The following ZMYM4 variants were observed in gnomAD, a reference collection of about 807,000 sequenced individuals.
ZMYM4 encodes the protein zinc finger MYM-type protein 4.
ZMYM4 carries 31 observed loss-of-function variants against 183.2 expected under a neutral mutation model. The ratio of observed to expected loss-of-function variants is 0.17; its 90% CI spans 0.13 to 0.23. The LOEUF (loss-of-function observed/expected upper bound fraction) is 0.23, where lower values mean the gene tolerates loss of function less well. Among genes scored for constraint, ZMYM4 ranks in the 10% least tolerant of loss-of-function variants. The probability of loss-of-function intolerance (pLI) is 1.00; values close to 1 mark genes in which losing one functional copy is unlikely to be tolerated. For missense variants in ZMYM4, 1,273 were observed against 1,840.3 expected (o/e 0.69, Z 5.64); for synonymous variants, 592 against 631.2 (o/e 0.94, Z 0.93).
At chr1:35,391,381 A>G (rs1429418556) in intron 15 of ZMYM4, among the ~76,000 whole-genome samples, 1 of 152,118 alleles carries the variant, frequency 6.6e-6, no homozygotes, top group Non-Finnish European at 1.5e-5. Context: ...CCTTGTCAGG[A>G]CTTACTTATC....
chr1:35,273,788 T>A (rs918147320), intron 1 of ZMYM4, among the ~76,000 whole-genome samples: 28 of 152,286 alleles, frequency 1.8e-4, no homozygotes, highest in Non-Finnish European at 2.5e-4. Context: ...TTACCACTGA[T>A]TACCTTCAGT....
intron 1 of ZMYM4, among the ~76,000 whole-genome samples, chr1:35,313,039 G>A (rs774998199): frequency 1.3e-5 from 2 of 152,068 alleles, no homozygotes; most frequent in African/African-American, 2.4e-5. Context: ...GACTAGAGGC[G>A]AGTGCCACCA....
intron 2 of ZMYM4, among the ~76,000 whole-genome samples, chr1:35,343,473 T>C (rs930962655): frequency 1.3e-5 from 2 of 152,178 alleles, no homozygotes; most frequent in Admixed American, 1.3e-4. Flanking sequence ...ATTTGACCAA[T>C]GTTTTTGAGT....
intron 2 of ZMYM4, among the ~76,000 whole-genome samples, chr1:35,352,386 G>GCGCACACACACACACA (rs1231646476): frequency 3.1e-5 from 4 of 128,470 alleles, no homozygotes; most frequent in East Asian, 2.3e-4. Context: ...AAAAATTAGC[G>GCGCACACACACACACA]CACACACACA....
At chr1:35,312,198 T>G (rs916205651) in intron 1 of ZMYM4, among the ~76,000 whole-genome samples, 4 of 152,166 alleles carry the variant, frequency 2.6e-5, no homozygotes, top group Non-Finnish European at 5.9e-5. Flanking sequence ...TTGGTGTATA[T>G]ATCTTTGGGT....
intron 5 of ZMYM4, 25 bp downstream of exon 5, chr1:35,361,814 C>A (rs199894683): frequency 1.9e-5 from 30 of 1,589,174 alleles, no homozygotes; most frequent in Non-Finnish European, 2.5e-5. Flanking sequence ...TTTTTTCCCC[C>A]CTTCTTTTTG....
At chr1:35,271,948 G>C (rs774197336) in intron 1 of ZMYM4, among the ~76,000 whole-genome samples, 2 of 152,054 alleles carry the variant, frequency 1.3e-5, no homozygotes, top group Non-Finnish European at 2.9e-5. Context: ...GGGTGACAGA[G>C]GGAAACCCCC....
In ZMYM4 at chr1:35,370,490, C is replaced by T; in HGVS notation, c.1044C>T (p.Leu348=). ...CCTGTTCTGGTTGTAAAAAAATCCT[C>T]CAGAAGGGGCAAACTGCTTATCAGA... ...RVSCSGCKKI[L]QKGQTAYQRK... is the part of the protein sequence containing the mutation. Residue 348 remains leucine, a synonymous_variant, in exon 7 of 30, where the codon CTC becomes CTT. Transcript: ENST00000314607. The T allele has an allele frequency of 6.2e-7, 1 of 1,613,446 alleles. No individual in the cohort carries two copies. The highest frequency in any genetic ancestry group is 8.5e-7 in the Non-Finnish European group (1 of 1,179,878).
intron 1 of ZMYM4, among the ~76,000 whole-genome samples, chr1:35,288,489 T>C (rs1640611304): frequency 6.6e-6 from 1 of 152,218 alleles, no homozygotes; most frequent in Non-Finnish European, 1.5e-5. Context: ...TTTGCTACTA[T>C]CACGCTAGCT....
chr1:35,291,109 G>A (rs1640738446), intron 1 of ZMYM4, among the ~76,000 whole-genome samples: 1 of 151,984 alleles, frequency 6.6e-6, no homozygotes, highest in African/African-American at 2.4e-5. Context: ...CTTGTTCATG[G>A]GTTTTTATAT....
rs67591506 is a variant in ZMYM4, at chr1:35,371,062, A to AGTGTGTGT, written c.1181+473_1181+480dup. Among the ~76,000 whole-genome samples, 144 of 126,154 alleles carry AGTGTGTGT rather than the reference A, an allele frequency of 1.1e-3. 1 individual carries two copies. Among genetic ancestry groups the AGTGTGTGT allele is most frequent in the East Asian group, 1.7e-3 (8 of 4,582 alleles). 82.8% of individuals were successfully genotyped at this position (126,154 alleles called of 152,430 possible). On this transcript the variant is annotated intron_variant, in intron 7 of 29. Coordinates refer to ENST00000314607, the MANE Select transcript of ZMYM4 (RefSeq NM_005095.3). ...TTCTTCTTAACCTTAAATGGCTTCC[A>AGTGTGTGT]GTGTGTGTGTGTGTGTGTGTGTGTG...
At position 35,381,431 on chromosome 1, in the gene ZMYM4, G is replaced by A. The variant is rs34924462; in HGVS notation, c.1354G>A (p.Val452Ile). ...ATGCAGCATGTGTCAGAAGAATGCT[G>A]TTGTAAGTTACCATTTTCCTTTATT... ...TKCSMCQKNA[V>I]IRHEVNYQNV... The change falls in exon 8 of 30, where the codon GTT (valine) becomes ATT (isoleucine). Residue 452 changes from valine to isoleucine, a missense_variant and splice_region_variant. Physicochemically the swap from Val to Ile is conservative, Grantham distance 29 (BLOSUM62 3). This residue lies in a region of ZMYM4 where 319 missense variants were observed against 518.1 expected (regional missense o/e 0.62). Coordinates refer to ENST00000314607, the MANE Select transcript of ZMYM4 (RefSeq NM_005095.3). The A allele has an allele frequency of 0.032, 51,120 of 1,606,018 alleles. 970 individuals are homozygous for A. Among genetic ancestry groups the A allele is most frequent in the Non-Finnish European group, 0.037 (43,183 of 1,174,340 alleles).
chr1:35,297,095 C>T (rs1398970800), intron 1 of ZMYM4, among the ~76,000 whole-genome samples: 2 of 152,022 alleles, frequency 1.3e-5, no homozygotes, highest in Admixed American at 6.5e-5. Flanking sequence ...GGTGATCCAC[C>T]TGCCCTGGCC....
intron 2 of ZMYM4, among the ~76,000 whole-genome samples, chr1:35,342,299 C>G (rs936230742): frequency 6.6e-6 from 1 of 152,068 alleles, no homozygotes; most frequent in African/African-American, 2.4e-5. Context: ...GGACCACAGG[C>G]ATGTGCCACC....
At chr1:35,350,223 G>GAAA (rs34466044) in intron 2 of ZMYM4, among the ~76,000 whole-genome samples, 3 of 72,436 alleles carry the variant, frequency 4.1e-5, no homozygotes, top group Admixed American at 1.5e-4. Context: ...ACTCCATCTT[G>GAAA]AAAAAAAAAA....
At chr1:35,360,169 T>C (rs951643988) in intron 3 of ZMYM4, among the ~76,000 whole-genome samples, 1 of 152,096 alleles carries the variant, frequency 6.6e-6, no homozygotes, top group Admixed American at 6.5e-5. Flanking sequence ...TTCTAACTGC[T>C]CTACATCAAG....
chr1:35,270,292 G>A (rs1441642634), intron 1 of ZMYM4, among the ~76,000 whole-genome samples: 2 of 152,196 alleles, frequency 1.3e-5, no homozygotes, highest in Non-Finnish European at 1.5e-5. Flanking sequence ...TGCCACAGAG[G>A]AGTTTCTTTA....
intron 23 of ZMYM4, among the ~76,000 whole-genome samples, chr1:35,401,870 C>T (rs1422602787): frequency 6.6e-6 from 1 of 152,008 alleles, no homozygotes; most frequent in Non-Finnish European, 1.5e-5. Flanking sequence ...CTATTCATTC[C>T]CCATTGAATT....
intron 11 of ZMYM4, among the ~76,000 whole-genome samples, chr1:35,386,491 G>A (rs1644581114): frequency 6.6e-6 from 1 of 152,090 alleles, no homozygotes; most frequent in Non-Finnish European, 1.5e-5. Context: ...ACTATCACCA[G>A]AACAGCAGGG....
Sources: allele counts gnomAD v4.1 joint callset (sites outside exome capture counted in the v4.1 genomes callset), GRCh38; gene constraint gnomAD v4.1.1; regional missense constraint gnomAD v4.1.1; transcripts MANE v1.5; gene names NCBI Gene and HGNC (gene_info 2026-07-23, HGNC 2026-07-21).